Variants in SREBF1 observed in about 807,000 individuals in gnomAD.
SREBF1 encodes the protein sterol regulatory element binding transcription factor 1, also known as sterol regulatory element-binding protein 1.
A neutral mutation model predicts 100.1 loss-of-function variants in SREBF1; 45 were observed. That is an observed-to-expected ratio of 0.45 (90% CI 0.35 to 0.58). The LOEUF (loss-of-function observed/expected upper bound fraction) is 0.58, where lower values mean the gene tolerates loss of function less well. Among genes scored for constraint, SREBF1 ranks in the 20% least tolerant of loss-of-function variants. The pLI, the probability that SREBF1 is intolerant of heterozygous loss-of-function variation, is 0.00. For synonymous variants in SREBF1, 657 were observed against 681.8 expected (o/e 0.96, Z 0.57); for missense variants, 1,324 against 1,539.4 (o/e 0.86, Z 2.34).
rs895966716 is a variant in SREBF1, at chr17:17,834,981, A to AAAAC, written c.91+1742_91+1745dup. Among the ~76,000 whole-genome samples the AAAAC allele has an allele frequency of 1.4e-4, 21 of 152,252 alleles. No homozygotes were observed. The East Asian group carries it at 1.5e-3, about 11-fold the overall frequency. On this transcript the variant is annotated intron_variant, in intron 1 of 18. Coordinates refer to ENST00000261646, the MANE Select transcript of SREBF1 (RefSeq NM_004176.5). ...GTGAGCCAAAATTGCGCCACTGCAG[A>AAAAC]AAACAAACAAACAAACAAACAAAGG...
chr17:17,829,191 T>TAAAAAAAAAAAAA lies in SREBF1; in HGVS notation c.91+7523_91+7535dup, dbSNP rs1253225038. Among the ~76,000 whole-genome samples, 4 of 44,938 alleles carry TAAAAAAAAAAAAA rather than the reference T, an allele frequency of 8.9e-5. 1 individual carries two copies. Among genetic ancestry groups the TAAAAAAAAAAAAA allele is most frequent in the African/African-American group, 4.8e-4 (4 of 8,268 alleles). The allele number at this position is 44,938 out of a possible 152,430, so 29.5% of individuals were successfully genotyped here. On this transcript the variant is annotated intron_variant, in intron 1 of 18. Coordinates refer to ENST00000261646, the MANE Select transcript of SREBF1 (RefSeq NM_004176.5). ...CTGGTGACAGAACGAGACTCCATCT[T>TAAAAAAAAAAAAA]AAAAAAAAAAAAAAATATATATATA...
intron 1 of SREBF1, chr17:17,823,635 C>T: frequency 6.3e-7 from 1 of 1,589,732 alleles, no homozygotes; most frequent in East Asian, 2.3e-5. Context: ...ATTTTTGAAG[C>T]CGTTGAGCGC....
In SREBF1 at chr17:17,815,842, G is replaced by T; in HGVS notation, c.2383+18C>A. ...GATGAGGGACAGGAGAGGGGACAGG[G>T]AAGGGGTAAGAGAGCACCTGGGTTC... On this transcript the variant is annotated intron_variant, in intron 12 of 18. Coordinates refer to ENST00000261646, the MANE Select transcript of SREBF1 (RefSeq NM_004176.5). 2 of 1,609,362 alleles carry T rather than the reference G, an allele frequency of 1.2e-6. No homozygotes were observed. Among genetic ancestry groups the T allele is most frequent in the Non-Finnish European group, 1.7e-6 (2 of 1,178,252 alleles).
chr17:17,830,702 G>A (rs1339945810), intron 1 of SREBF1, among the ~76,000 whole-genome samples: 1 of 152,104 alleles, frequency 6.6e-6, no homozygotes, highest in East Asian at 1.9e-4. Context: ...CCCCAGCCCC[G>A]TCCCACCTCC....
At position 17,812,865 on chromosome 17, in the gene SREBF1, G is replaced by A. The variant is rs1384850091; in HGVS notation, c.3215-14C>T. ...CCGCCACCGCGCCTGCGCACACGAG[G>A]ATGTGTCAGGGATGGGTCTCAAGCT... On this transcript the variant is annotated splice_polypyrimidine_tract_variant and intron_variant, in intron 18 of 18. Transcript: ENST00000261646. 1 of 1,473,360 alleles carries A rather than the reference G, an allele frequency of 6.8e-7. No individual in the cohort carries two copies. Among genetic ancestry groups the A allele is most frequent in the Non-Finnish European group, 8.9e-7 (1 of 1,121,066 alleles). The allele number at this position is 1,473,360 out of a possible 1,614,324, so 91.3% of individuals were successfully genotyped here.
chr17:17,826,535 G>T (rs1160553902), intron 1 of SREBF1, among the ~76,000 whole-genome samples: 2 of 152,210 alleles, frequency 1.3e-5, no homozygotes, highest in African/African-American at 4.8e-5. Context: ...CAGGAAGGAA[G>T]AGGAGGCATA....
rs746121980 is a variant in SREBF1 at position 17,819,431 on chromosome 17, G to A, written c.735C>T (p.Ile245=). 1 of 1,613,806 alleles carries A rather than the reference G, an allele frequency of 6.2e-7. No individual in the cohort carries two copies. The highest frequency in any genetic ancestry group is 8.5e-7 in the Non-Finnish European group (1 of 1,180,040). The change falls in exon 4 of 19, where the codon ATC becomes ATT. Residue 245 remains isoleucine, a synonymous_variant. Transcript: ENST00000261646. ...QVPVLLQPHF[I]KADSLLLTAM... is the part of the protein sequence containing the mutation. Reference sequence around the variant, plus strand: ...CTGTCAGAAGCAGCGAGTCTGCCTTGATGAAGTGGGGCTGCAGCAGGACCT... The same window carrying A: ...CTGTCAGAAGCAGCGAGTCTGCCTTAATGAAGTGGGGCTGCAGCAGGACCT...
chr17:17,830,803 C>T (rs1026777202), intron 1 of SREBF1, among the ~76,000 whole-genome samples: 7 of 152,224 alleles, frequency 4.6e-5, no homozygotes, highest in Admixed American at 4.6e-4. Context: ...AGGCTTTCCC[C>T]ACCTCACCCC....
chr17:17,825,326 G>A (rs975689447), intron 1 of SREBF1, among the ~76,000 whole-genome samples: 1 of 152,192 alleles, frequency 6.6e-6, no homozygotes, highest in Non-Finnish European at 1.5e-5. Flanking sequence ...ATCCCACTGA[G>A]GAAGCGCGAT....
chr17:17,819,916 T>C (rs1374035970), intron 2 of SREBF1, 174 bp downstream of exon 2: 5 of 1,151,356 alleles, frequency 4.3e-6, no homozygotes, highest in Non-Finnish European at 6.0e-6. Context: ...AGGTTGCGCC[T>C]ACCCCGGCAA....
chr17:17,816,876 G>C, intron 9 of SREBF1, 82 bp downstream of exon 9: 1 of 1,600,394 alleles, frequency 6.2e-7, no homozygotes, highest in Non-Finnish European at 8.5e-7. Context: ...TGTGCACAGG[G>C]AGCAGGAACA....
intron 1 of SREBF1, among the ~76,000 whole-genome samples, chr17:17,830,982 C>T (rs2034824804): frequency 1.3e-5 from 2 of 152,242 alleles, no homozygotes; most frequent in Admixed American, 1.3e-4. Flanking sequence ...AGTCCAGATC[C>T]CAGGCCTCTG....
In SREBF1 at chr17:17,816,043, A is replaced by G. The variant is rs369147925; in HGVS notation, c.2215-15T>C. 4 of 1,609,890 alleles carry G rather than the reference A, an allele frequency of 2.5e-6. No homozygotes were observed. The highest frequency in any genetic ancestry group is 3.4e-6 in the Non-Finnish European group (4 of 1,178,448). On this transcript the variant is annotated splice_polypyrimidine_tract_variant and intron_variant, in intron 11 of 18. Coordinates refer to ENST00000261646, the MANE Select transcript of SREBF1 (RefSeq NM_004176.5). ...AGGAAGAAGCGCTGTAGGGGAGGGT[A>G]CTGGGCTGTCACAGTGGACACAGCC...
At chr17:17,814,124 T>C (rs1036473478) in intron 16 of SREBF1, 121 bp downstream of exon 16, 3 of 1,171,104 alleles carry the variant, frequency 2.6e-6, no homozygotes, top group African/African-American at 3.0e-5. Context: ...CTGGACCCCC[T>C]ATCCTGTGCT....
At chr17:17,819,495 G>A in intron 3 of SREBF1, 41 bp from the exon 4 acceptor site, 1 of 1,613,342 alleles carries the variant, frequency 6.2e-7, no homozygotes, top group South Asian at 1.1e-5. Flanking sequence ...GTGTGTCTGG[G>A]CTGGGGCTGC....
intron 1 of SREBF1, among the ~76,000 whole-genome samples, chr17:17,835,454 G>T (rs2035166176): frequency 6.6e-6 from 1 of 152,216 alleles, no homozygotes; most frequent in African/African-American, 2.4e-5. Flanking sequence ...CTGGCAACCA[G>T]CTGGGCTCAT....
intron 1 of SREBF1, among the ~76,000 whole-genome samples, chr17:17,821,152 T>TACACACATACACACAC (rs2034073152): frequency 1.3e-5 from 2 of 149,382 alleles, no homozygotes; most frequent in African/African-American, 4.9e-5. Flanking sequence ...TCCACACACA[T>TACACACATACACACAC]ACACACACAC....
In SREBF1 at chr17:17,819,159, G is replaced by A. The variant is rs2033883431; in HGVS notation, c.922C>T (p.Leu308Phe). The A allele has an allele frequency of 6.2e-7, 1 of 1,614,192 alleles. No homozygotes were observed. The highest frequency in any genetic ancestry group is 8.5e-7 in the Non-Finnish European group (1 of 1,180,060). Residue 308 changes from leucine to phenylalanine, a missense_variant, in exon 5 of 19, where the codon CTC (leucine) becomes TTC (phenylalanine). By Grantham distance (22) the Leu-to-Phe change is conservative. Transcript: ENST00000261646. ...GCCGGGGCCTTGCTGCCAGCTGCGA[G>A]CCGGTTGATAGGCAGCTTCTCCGCA... Reference protein sequence around the residue: ...VDAEKLPINRLAAGSKAPASA... With the variant: ...VDAEKLPINRFAAGSKAPASA...
Position 17,818,325 on chromosome 17 carries a change from A to C in SREBF1, c.1118T>G (p.Leu373Arg), listed in dbSNP as rs2033810543. ...CTTGAGTTTCTGGTTGCTGTGTTGC[A>C]GAAAGCGAATGTAGTCGATGGCCTT... Reference protein sequence around the residue: ...LRKAIDYIRFLQHSNQKLKQE... With the variant: ...LRKAIDYIRFRQHSNQKLKQE... The change falls in exon 6 of 19, where the codon CTG becomes CGG. Residue 373 changes from leucine (L) to arginine (R), a missense_variant. Physicochemically the swap from Leu to Arg is moderately radical, Grantham distance 102. Coordinates refer to ENST00000261646, the MANE Select transcript of SREBF1 (RefSeq NM_004176.5). 6.2e-7 allele frequency: 1 copy of C among 1,613,898 alleles called. No individual in the cohort carries two copies. Among genetic ancestry groups the C allele is most frequent in the Non-Finnish European group, 8.5e-7 (1 of 1,180,014 alleles).
Sources: allele counts gnomAD v4.1 joint callset (sites outside exome capture counted in the v4.1 genomes callset), GRCh38; gene constraint gnomAD v4.1.1; transcripts MANE v1.5; gene names NCBI Gene and HGNC (gene_info 2026-07-23, HGNC 2026-07-21).